Variants in PDE8B observed in about 807,000 individuals in gnomAD.
The protein encoded by PDE8B is phosphodiesterase 8B.
A neutral mutation model predicts 101.3 loss-of-function variants in PDE8B; 26 were observed. That is an observed-to-expected ratio of 0.26 (90% CI 0.19 to 0.36). The LOEUF is 0.36. PDE8B is among the 10% of genes least tolerant of loss of function. The pLI, the probability that PDE8B is intolerant of heterozygous loss-of-function variation, is 1.00. For missense variants in PDE8B, 810 were observed against 1,163.1 expected, an observed-to-expected ratio of 0.70 and a Z score of 4.42; for synonymous variants, 424 against 429.3, an observed-to-expected ratio of 0.99 and a Z score of 0.15.
intron 1 of PDE8B, among the ~76,000 whole-genome samples, chr5:77,238,921 TC>T (rs1755212021): frequency 6.6e-6 from 1 of 152,228 alleles, no homozygotes; most frequent in Non-Finnish European, 1.5e-5. Flanking sequence ...TTGTATGATG[TC>T]CACCCACTTG....
At chr5:77,351,578 C>A (rs1374652861) in intron 9 of PDE8B, among the ~76,000 whole-genome samples, 1 of 152,108 alleles carries the variant, frequency 6.6e-6, no homozygotes, top group Non-Finnish European at 1.5e-5. Context: ...TCCTTGGAGG[C>A]CCACTGTTTA....
chr5:77,189,535 G>T, the PDE8B span, among the ~76,000 whole-genome samples: 1 of 152,216 alleles, frequency 6.6e-6, no homozygotes, highest in Non-Finnish European at 1.5e-5. Context: ...AAGCCTGAAG[G>T]AAGTGGGGAG....
chr5:77,269,524 G>T lies in PDE8B; in HGVS notation c.340-42470G>T, dbSNP rs1424126665. Among the ~76,000 whole-genome samples the T allele has an allele frequency of 2.0e-5, 3 of 152,090 alleles. No homozygotes were observed. The East Asian group carries it at 5.8e-4, about 29-fold the overall frequency. ...TCTTGCTTTGTTGCCTGTGCTTGTG[G>T]GGTATTACTCAAGAAATCTTTGCCC... is the stretch of plus-strand genomic sequence containing the variant. On this transcript the variant is annotated intron_variant, in intron 1 of 21. Coordinates refer to ENST00000264917, the MANE Select transcript of PDE8B (RefSeq NM_003719.5).
At chr5:77,093,233 TG>T in the PDE8B span, among the ~76,000 whole-genome samples, 1 of 152,172 alleles carries the variant, frequency 6.6e-6, no homozygotes, top group Non-Finnish European at 1.5e-5. Context: ...TATGCATAGG[TG>T]GTTGATTACT....
At chr5:77,382,826 C>A (rs546869267) in intron 10 of PDE8B, among the ~76,000 whole-genome samples, 2 of 152,160 alleles carry the variant, frequency 1.3e-5, no homozygotes, top group Non-Finnish European at 2.9e-5. Context: ...TTTTCTTTAT[C>A]CAGTCTATCA....
At chr5:77,375,895 T>C (rs940568604) in intron 10 of PDE8B, among the ~76,000 whole-genome samples, 7 of 143,434 alleles carry the variant, frequency 4.9e-5, no homozygotes, top group Admixed American at 1.4e-4. Context: ...ATTTCTTTTT[T>C]TTTTTTTTTT....
At chr5:77,208,299 C>G (rs1747667636), upstream of PDE8B, among the ~76,000 whole-genome samples, 3 of 152,096 alleles carry the variant, frequency 2.0e-5, no homozygotes, top group Non-Finnish European at 4.4e-5. Context: ...AAAAAGTAGA[C>G]ATGTGTCATG....
intron 10 of PDE8B, among the ~76,000 whole-genome samples, chr5:77,391,482 C>T (rs776795659): frequency 2.6e-5 from 4 of 152,192 alleles, no homozygotes. Flanking sequence ...GTGAGCCAGT[C>T]TGGGGGTGTG....
In PDE8B at chr5:77,210,975, G is replaced by C; in HGVS notation, c.50G>C (p.Cys17Ser). 3 of 1,538,382 alleles carry C rather than the reference G, an allele frequency of 2.0e-6. No individual in the cohort carries two copies. Among genetic ancestry groups the C allele is most frequent in the Non-Finnish European group, 2.6e-6 (3 of 1,152,376 alleles). Residue 17 changes from cysteine to serine, a missense_variant, in exon 1 of 22, where the codon TGC (cysteine) becomes TCC (serine). By Grantham distance (112) the Cys-to-Ser change is moderately radical (BLOSUM62 -1). Around this residue, in one of 4 missense-constraint regions of PDE8B, gnomAD observed 159 missense variants for 146.6 expected, o/e 1.08. Coordinates refer to ENST00000264917, the MANE Select transcript of PDE8B (RefSeq NM_003719.5). This position sits in a 1 kb window ranked among gnomAD's most constrained non-coding sequence, Gnocchi z 4.9. ...GTCTCGCAGAGCGGCGTGATCTACT[G>C]CCGGGACTCGGACGAGTCCAGCTCG... ...IHVSQSGVIYCRDSDESSSPR... is the reference protein window; with the variant it reads ...IHVSQSGVIYSRDSDESSSPR...
chr5:77,385,727 T>C (rs529182632), intron 10 of PDE8B, among the ~76,000 whole-genome samples: 37 of 152,134 alleles, frequency 2.4e-4, no homozygotes, highest in African/African-American at 8.9e-4. Context: ...ATTTCATTAT[T>C]TACCCAGTAG....
At chr5:77,116,280 G>A in the PDE8B span, among the ~76,000 whole-genome samples, 84,567 of 139,196 alleles carry the variant, frequency 0.61, 25,545 homozygotes, top group East Asian at 0.73. Context: ...CACCCAGGCT[G>A]GAGTGCAGTG....
At chr5:77,273,725 A>G (rs1763245753) in intron 1 of PDE8B, among the ~76,000 whole-genome samples, 1 of 152,222 alleles carries the variant, frequency 6.6e-6, no homozygotes, top group Middle Eastern at 3.2e-3. Context: ...AGGTGGACAA[A>G]ATAGTATATA....
At chr5:77,303,369 G>A (rs1426611589) in intron 1 of PDE8B, among the ~76,000 whole-genome samples, 2 of 151,910 alleles carry the variant, frequency 1.3e-5, no homozygotes, top group Non-Finnish European at 1.5e-5. Flanking sequence ...GTGAAACCCC[G>A]TCTCTACTAA....
At chr5:77,421,677 G>C in intron 19 of PDE8B, 144 bp from the exon 20 acceptor site, 1 of 738,192 alleles carries the variant, frequency 1.4e-6, no homozygotes, top group East Asian at 2.7e-5. Flanking sequence ...ATTATATATG[G>C]AATTTAAAAA....
chr5:77,241,357 T>G (rs1036316736), intron 1 of PDE8B, among the ~76,000 whole-genome samples: 1 of 152,184 alleles, frequency 6.6e-6, no homozygotes, highest in African/African-American at 2.4e-5. Context: ...ACTCAGATAT[T>G]GAGAGAAGAA....
At chr5:77,129,165 A>T in the PDE8B span, among the ~76,000 whole-genome samples, 121 of 150,388 alleles carry the variant, frequency 8.0e-4, no homozygotes, top group Non-Finnish European at 1.2e-3. Flanking sequence ...CATCTAATTT[A>T]AAAAAAAATC....
intron 1 of PDE8B, among the ~76,000 whole-genome samples, chr5:77,224,086 C>G (rs188288289): frequency 6.6e-6 from 1 of 152,282 alleles, no homozygotes; most frequent in East Asian, 1.9e-4. Flanking sequence ...CACTTGGGAT[C>G]TGATGTCAGA....
At chr5:77,346,023 A>G (rs990806845) in intron 7 of PDE8B, among the ~76,000 whole-genome samples, 1 of 152,238 alleles carries the variant, frequency 6.6e-6, no homozygotes, top group Non-Finnish European at 1.5e-5. Context: ...GGCAAGAGAC[A>G]TCATTGCCCT....
At chr5:77,173,773 T>C in the PDE8B span, among the ~76,000 whole-genome samples, 4 of 152,096 alleles carry the variant, frequency 2.6e-5, no homozygotes, top group African/African-American at 9.7e-5. Context: ...AAAATGCTTC[T>C]AGCTCTAGAA....
Sources: gnomAD v4.1 joint callset for allele counts (sites outside exome capture counted in the v4.1 genomes callset) on GRCh38, gnomAD v4.1.1 for gene constraint, gnomAD v4.1.1 regional missense constraint, Gnocchi (gnomAD v3.1) non-coding constraint, MANE v1.5 for transcripts, NCBI Gene and HGNC (gene_info 2026-07-23, HGNC 2026-07-21) for gene names.